The following WARS1 variants were observed in gnomAD, a reference collection of about 807,000 sequenced individuals.
The protein encoded by WARS1 is tryptophan--tRNA ligase, cytoplasmic.
Under a neutral mutation model 47.8 loss-of-function variants are expected in WARS1, and 17 were observed. The observed-to-expected ratio is 0.36, with a 90% CI of 0.24 to 0.53. The LOEUF (loss-of-function observed/expected upper bound fraction) is 0.53. Ranked by LOEUF, WARS1 falls within the 20% of genes least tolerant of loss-of-function variation. The pLI, the probability that WARS1 is intolerant of heterozygous loss-of-function variation, is 0.91. For missense variants in WARS1, 434 were observed against 608.0 expected (o/e 0.71, Z 3.01); for synonymous variants, 208 against 228.1 (o/e 0.91, Z 0.79).
At chr14:100,349,036 C>T (rs1894807171) in intron 6 of WARS1, among the ~76,000 whole-genome samples, 2 of 152,212 alleles carry the variant, frequency 1.3e-5, no homozygotes, top group Admixed American at 1.3e-4. Context: ...AGGCTTCTCA[C>T]TGGCTGCAGT....
At chr14:100,335,916 G>A (rs889877782) in intron 10 of WARS1, among the ~76,000 whole-genome samples, 1 of 151,528 alleles carries the variant, frequency 6.6e-6, no homozygotes, top group African/African-American at 2.4e-5. Context: ...GTTTTCATTT[G>A]GTATCCTTTT....
intron 2 of WARS1, chr14:100,365,491 A>C: frequency 3.8e-6 from 1 of 266,110 alleles, no homozygotes. Flanking sequence ...AGGGCAGGAG[A>C]ATCGCTCGAA....
chr14:100,358,615 G>A (rs551111582), intron 4 of WARS1, among the ~76,000 whole-genome samples: 1 of 152,272 alleles, frequency 6.6e-6, no homozygotes, highest in South Asian at 2.1e-4. Context: ...CACAACCTTC[G>A]ATTAGTCAGT....
intron 2 of WARS1, chr14:100,368,330 G>A (rs1896134492): frequency 2.3e-6 from 1 of 426,740 alleles, no homozygotes; most frequent in Non-Finnish European, 4.7e-6. Context: ...AGCTGTCCAC[G>A]TCTATTTCCA....
intron 7 of WARS1, among the ~76,000 whole-genome samples, chr14:100,343,762 C>T (rs34040257): frequency 0.17 from 25,537 of 151,886 alleles, 2,424 homozygotes; most frequent in Non-Finnish European, 0.22. Context: ...CTCAGGCTCC[C>T]GAGTAGCTGG....
intron 2 of WARS1, chr14:100,367,040 A>G (rs760129721): frequency 7.8e-6 from 6 of 767,860 alleles, no homozygotes; most frequent in Non-Finnish European, 1.2e-5. Context: ...AATACAGTAA[A>G]ATAAGATTAA....
chr14:100,342,156 G>GA (rs5810992), intron 9 of WARS1: 505,793 of 514,960 alleles, frequency 0.98, 248,773 homozygotes, highest in South Asian at 1. Flanking sequence ...AGGAAAAAAA[G>GA]AAAAAAAATT....
At chr14:100,356,055 T>C (rs75283613) in intron 4 of WARS1, among the ~76,000 whole-genome samples, 2,472 of 152,150 alleles carry the variant, frequency 0.016, 65 homozygotes, top group African/African-American at 0.055. Flanking sequence ...TGAGATCATG[T>C]TTTATGAGGA....
intron 1 of WARS1, among the ~76,000 whole-genome samples, chr14:100,370,143 C>T (rs1045091010): frequency 1.3e-5 from 2 of 152,192 alleles, no homozygotes; most frequent in African/African-American, 4.8e-5. Context: ...TAAGGACTGT[C>T]TCCAGTCTGT....
At chr14:100,357,557 G>A (rs975901184) in intron 4 of WARS1, among the ~76,000 whole-genome samples, 2 of 151,980 alleles carry the variant, frequency 1.3e-5, no homozygotes, top group African/African-American at 4.8e-5. Flanking sequence ...TGCCTCCTGG[G>A]TTCAAGTGAT....
At chr14:100,350,996 A>G (rs928576009) in intron 6 of WARS1, among the ~76,000 whole-genome samples, 1 of 152,208 alleles carries the variant, frequency 6.6e-6, no homozygotes, top group African/African-American at 2.4e-5. Flanking sequence ...AAGGAGAAGG[A>G]TGTGGAACTG....
intron 4 of WARS1, among the ~76,000 whole-genome samples, chr14:100,356,222 G>A (rs1595440308): frequency 6.6e-6 from 1 of 152,144 alleles, no homozygotes; most frequent in Non-Finnish European, 1.5e-5. Flanking sequence ...ATGGGCAAAT[G>A]ACTCAGGTCC....
intron 7 of WARS1, 38 bp downstream of exon 7, chr14:100,346,708 G>T: frequency 6.6e-7 from 1 of 1,510,048 alleles, no homozygotes. Context: ...TTTTTGAAGG[G>T]TGCAGGGAGT....
chr14:100,347,461 T>A (rs1894697718), intron 6 of WARS1, among the ~76,000 whole-genome samples: 1 of 152,062 alleles, frequency 6.6e-6, no homozygotes, highest in Admixed American at 6.6e-5. Context: ...TTCTGGATGG[T>A]GAGGGGTGTG....
intron 4 of WARS1, 133 bp from the exon 5 acceptor site, chr14:100,354,699 G>T: frequency 9.3e-7 from 1 of 1,070,640 alleles, no homozygotes; most frequent in Non-Finnish European, 1.3e-6. Context: ...GTTACCTTTG[G>T]TGCTTATGAT....
intron 10 of WARS1, 38 bp from the exon 11 acceptor site, chr14:100,335,074 A>C: frequency 6.2e-7 from 1 of 1,605,006 alleles, no homozygotes; most frequent in Admixed American, 1.7e-5. Flanking sequence ...AGATGGCTCC[A>C]CATGTCCTGA....
At chr14:100,345,270 GC>G (rs1380435289) in intron 7 of WARS1, among the ~76,000 whole-genome samples, 4 of 152,014 alleles carry the variant, frequency 2.6e-5, no homozygotes, top group East Asian at 1.9e-4. Context: ...TCGGATGGTT[GC>G]CGTGTCTGTG....
chr14:100,367,553 A>G (rs1333855763), intron 2 of WARS1, among the ~76,000 whole-genome samples: 2 of 124,280 alleles, frequency 1.6e-5, no homozygotes, highest in East Asian at 5.3e-4. Flanking sequence ...GTGCCACCAC[A>G]CTCCAGCCTG....
Position 100,334,904 on chromosome 14 carries a change from G to A in WARS1, c.1387C>T (p.Pro463Ser). ...TDEIVKEFMTPRKLSFDFQ is the reference protein window; with the variant it reads ...TDEIVKEFMTSRKLSFDFQ ...TGAAAGTCGAAGGACAGCTTCCGGGGAGTCATGAACTCTTTCACTATCTCA... is the reference window on the plus strand; with the variant it reads ...TGAAAGTCGAAGGACAGCTTCCGGGAAGTCATGAACTCTTTCACTATCTCA... Residue 463 changes from proline to serine, a missense_variant, in exon 11 of 11, where the codon CCC (proline) becomes TCC (serine). By Grantham distance (74) the Pro-to-Ser change is moderately conservative. Coordinates refer to ENST00000392882, the MANE Select transcript of WARS1 (RefSeq NM_004184.4). 1 of 1,614,110 alleles carries A rather than the reference G, an allele frequency of 6.2e-7. No individual in the cohort carries two copies. The highest frequency in any genetic ancestry group is 1.1e-5 in the South Asian group (1 of 91,070).
Sources: gnomAD v4.1 joint callset for allele counts (sites outside exome capture counted in the v4.1 genomes callset) on GRCh38, gnomAD v4.1.1 for gene constraint, MANE v1.5 for transcripts, NCBI Gene and HGNC (gene_info 2026-07-23, HGNC 2026-07-21) for gene names.